The following FHIT variants were observed in gnomAD, a reference collection of about 807,000 sequenced individuals.
FHIT encodes fragile histidine triad diadenosine triphosphatase, also known as bis(5'-adenosyl)-triphosphatase.
FHIT carries 19 observed loss-of-function variants against 17.9 expected under a neutral mutation model. The observed-to-expected ratio is 1.06, with a 90% confidence interval of 0.74 to 1.56. FHIT has a LOEUF of 1.56. Among genes scored for constraint, FHIT ranks in the 40% most tolerant of loss-of-function variants. The probability of loss-of-function intolerance (pLI) is 0.00; values close to 1 mark genes in which losing one functional copy is unlikely to be tolerated. For missense variants in FHIT, 248 were observed against 189.2 expected (o/e 1.31, Z -1.82); for synonymous variants, 81 against 69.7 (o/e 1.16, Z -0.81).
intron 8 of FHIT, among the ~76,000 whole-genome samples, chr3:59,753,797 C>T (rs539179025): frequency 7.2e-5 from 11 of 152,234 alleles, no homozygotes; most frequent in African/African-American, 2.4e-4. Flanking sequence ...GAAGTTCATA[C>T]CCCGGTCCAA....
intron 5 of FHIT, among the ~76,000 whole-genome samples, chr3:60,246,757 A>G (rs769802177): frequency 6.6e-5 from 10 of 152,010 alleles, no homozygotes; most frequent in Admixed American, 1.3e-4. Flanking sequence ...CAAATTATTG[A>G]CCTTCTTCAT....
intron 4 of FHIT, among the ~76,000 whole-genome samples, chr3:60,711,928 C>A (rs1485379228): frequency 6.6e-6 from 1 of 152,030 alleles, no homozygotes; most frequent in African/African-American, 2.4e-5. Flanking sequence ...GAGAACGCCA[C>A]AAAGATACTC....
At chr3:60,094,123 C>A (rs1392262871) in intron 5 of FHIT, among the ~76,000 whole-genome samples, 1 of 152,128 alleles carries the variant, frequency 6.6e-6, no homozygotes, top group Non-Finnish European at 1.5e-5. Context: ...CAGTGTTACC[C>A]AGTGAAGTTT....
chr3:60,790,632 T>C (rs981908221), intron 4 of FHIT, among the ~76,000 whole-genome samples: 1 of 148,818 alleles, frequency 6.7e-6, no homozygotes, highest in Non-Finnish European at 1.5e-5. Flanking sequence ...CCTCTGAACA[T>C]TAATGTACCT....
At chr3:60,680,451 C>G (rs1053610392) in intron 4 of FHIT, among the ~76,000 whole-genome samples, 6 of 151,690 alleles carry the variant, frequency 4.0e-5, no homozygotes, top group Non-Finnish European at 5.9e-5. Context: ...TATTAATTTT[C>G]TACTATGAAA....
At chr3:61,021,354 CT>C (rs2032415518) in intron 3 of FHIT, among the ~76,000 whole-genome samples, 1 of 151,774 alleles carries the variant, frequency 6.6e-6, no homozygotes, top group African/African-American at 2.4e-5. Flanking sequence ...AATCCCAGCA[CT>C]TTGGGAGGCC....
intron 5 of FHIT, among the ~76,000 whole-genome samples, chr3:60,349,385 TTAAAAC>T (rs1465350084): frequency 6.6e-6 from 1 of 152,068 alleles, no homozygotes; most frequent in Non-Finnish European, 1.5e-5. Context: ...ATAAAAGAAA[TTAAAAC>T]TATTATGTCT....
chr3:60,732,127 G>A (rs553407344), intron 4 of FHIT: 6 of 723,330 alleles, frequency 8.3e-6, no homozygotes, highest in African/African-American at 1.7e-5. Flanking sequence ...GTGGTTAAGA[G>A]AAAACACAAG....
chr3:60,198,540 T>C (rs1392369704), intron 5 of FHIT, among the ~76,000 whole-genome samples: 1 of 152,174 alleles, frequency 6.6e-6, no homozygotes, highest in Non-Finnish European at 1.5e-5. Context: ...CGTGAGTTGT[T>C]TAATTTTCTT....
intron 5 of FHIT, among the ~76,000 whole-genome samples, chr3:60,370,960 C>G (rs1700303411): frequency 6.6e-6 from 1 of 152,210 alleles, no homozygotes. Context: ...TAATTTACAT[C>G]CTAGTTGCCC....
intron 7 of FHIT, among the ~76,000 whole-genome samples, chr3:59,929,290 C>G (rs1275216192): frequency 6.6e-6 from 1 of 150,466 alleles, no homozygotes; most frequent in Non-Finnish European, 1.5e-5. Context: ...ATTATTCTAC[C>G]AATTTTATAG....
At chr3:61,022,371 A>G (rs1322176069) in intron 3 of FHIT, among the ~76,000 whole-genome samples, 4 of 152,224 alleles carry the variant, frequency 2.6e-5, no homozygotes, top group Admixed American at 1.3e-4. Flanking sequence ...CAACCAAACA[A>G]AGCCCAGGAC....
At chr3:60,150,931 A>G (rs1700437879) in intron 5 of FHIT, among the ~76,000 whole-genome samples, 1 of 151,948 alleles carries the variant, frequency 6.6e-6, no homozygotes, top group Non-Finnish European at 1.5e-5. Flanking sequence ...AAAAAAAAAA[A>G]GGATTTAATT....
At chr3:59,820,554 T>G (rs1015332924) in intron 8 of FHIT, among the ~76,000 whole-genome samples, 1 of 152,260 alleles carries the variant, frequency 6.6e-6, no homozygotes, top group Admixed American at 6.5e-5. Flanking sequence ...CACCTATTAT[T>G]ATAAATAAAG....
intron 8 of FHIT, among the ~76,000 whole-genome samples, chr3:59,804,210 G>C (rs1665476678): frequency 6.6e-6 from 1 of 152,226 alleles, no homozygotes; most frequent in South Asian, 2.1e-4. Context: ...CCCACAAGAA[G>C]AGTTTATGGC....
chr3:61,074,201 C>G (rs936896570), intron 2 of FHIT, among the ~76,000 whole-genome samples: 1 of 152,128 alleles, frequency 6.6e-6, no homozygotes, highest in African/African-American at 2.4e-5. Flanking sequence ...ACCCATTTAT[C>G]TTATAGAATC....
chr3:61,081,373 T>G (rs1296485454), intron 2 of FHIT, among the ~76,000 whole-genome samples: 1 of 152,186 alleles, frequency 6.6e-6, no homozygotes, highest in East Asian at 1.9e-4. Flanking sequence ...AGAAGCTATA[T>G]TCCTAACTGG....
At chr3:60,287,704 G>A (rs867046537) in intron 5 of FHIT, among the ~76,000 whole-genome samples, 5 of 152,250 alleles carry the variant, frequency 3.3e-5, no homozygotes, top group Admixed American at 6.5e-5. Context: ...AGCATGAGAG[G>A]AAGAGAGAAG....
chr3:61,212,401 AAT>A, intron 1 of FHIT, among the ~76,000 whole-genome samples: 2 of 152,240 alleles, frequency 1.3e-5, no homozygotes, highest in African/African-American at 2.4e-5. Context: ...AAAGGGTATC[AAT>A]GATGGAAGAT....
Sources: allele counts gnomAD v4.1 joint callset (sites outside exome capture counted in the v4.1 genomes callset), GRCh38; gene constraint gnomAD v4.1.1; transcripts MANE v1.5; gene names NCBI Gene and HGNC (gene_info 2026-07-23, HGNC 2026-07-21).